RAPGEF6: variants seen among roughly 807,000 people sequenced by gnomAD.
RAPGEF6 encodes Rap guanine nucleotide exchange factor 6.
In RAPGEF6, 56 loss-of-function variants were observed where a neutral mutation model predicts 171.4. The ratio of observed to expected loss-of-function variants is 0.33; its 90% confidence interval spans 0.26 to 0.41. The LOEUF (loss-of-function observed/expected upper bound fraction) is 0.41. Ranked by LOEUF, RAPGEF6 falls within the 10% of genes least tolerant of loss-of-function variation. The pLI, the probability that RAPGEF6 is intolerant of heterozygous loss-of-function variation, is 1.00. For missense variants in RAPGEF6, 1,674 were observed against 1,921.4 expected (o/e 0.87, Z 2.41); for synonymous variants, 692 against 650.1 (o/e 1.06, Z -0.98).
chr5:131,555,018 A>C (rs1581017254), intron 5 of RAPGEF6, among the ~76,000 whole-genome samples: 1 of 152,244 alleles, frequency 6.6e-6, no homozygotes, highest in Non-Finnish European at 1.5e-5. Context: ...CAGCAATCAC[A>C]ATGAATACAA....
At chr5:131,459,663 T>C (rs982418548) in intron 19 of RAPGEF6, among the ~76,000 whole-genome samples, 5 of 152,222 alleles carry the variant, frequency 3.3e-5, no homozygotes, top group Admixed American at 1.3e-4. Context: ...GAGTACTTCA[T>C]AGTTGTTTAA....
intron 1 of RAPGEF6, among the ~76,000 whole-genome samples, chr5:131,611,517 CA>C: frequency 6.6e-6 from 1 of 152,156 alleles, no homozygotes; most frequent in East Asian, 1.9e-4. Context: ...ACTAAAAATA[CA>C]AAAATTAGCT....
intron 8 of RAPGEF6, among the ~76,000 whole-genome samples, chr5:131,510,102 C>A (rs1330828836): frequency 1.3e-5 from 2 of 152,178 alleles, no homozygotes; most frequent in Non-Finnish European, 2.9e-5. Flanking sequence ...TGGATGGCTG[C>A]AGCCCTGTGT....
In RAPGEF6 at chr5:131,430,886, T is replaced by G; in HGVS notation, c.4438A>C (p.Thr1480Pro). 6.2e-7 allele frequency: 1 copy of G among 1,606,448 alleles called. No individual in the cohort carries two copies. Among genetic ancestry groups the G allele is most frequent in the Non-Finnish European group, 8.5e-7 (1 of 1,177,504 alleles). ...ATCAAGCCCTTTTCTGTACTTGAAG[T>G]GACAGTTTTATAAACTGGGTCAGTG... ...DATDPVYKTV[T>P]SSTEKGLIVY... The change falls in exon 26 of 28, where the codon ACT becomes CCT. Residue 1480 changes from threonine to proline, a missense_variant. By Grantham distance (38) the Thr-to-Pro change is conservative. Transcript: ENST00000509018.
At chr5:131,587,529 T>A (rs1383317308) in intron 4 of RAPGEF6, among the ~76,000 whole-genome samples, 3 of 152,192 alleles carry the variant, frequency 2.0e-5, no homozygotes, top group Non-Finnish European at 4.4e-5. Context: ...ACATGTAGAT[T>A]TATGTTATCT....
chr5:131,496,802 T>C (rs539146415), intron 12 of RAPGEF6, among the ~76,000 whole-genome samples: 1 of 152,366 alleles, frequency 6.6e-6, no homozygotes, highest in South Asian at 2.1e-4. Context: ...ATAGTGCTGC[T>C]ACGAATATTT....
chr5:131,545,012 A>C (rs905730886), intron 6 of RAPGEF6, among the ~76,000 whole-genome samples: 1 of 152,172 alleles, frequency 6.6e-6, no homozygotes, highest in Non-Finnish European at 1.5e-5. Context: ...TGAGTAGTAC[A>C]TTACCTTTAA....
chr5:131,455,521 G>T (rs1753426187), intron 20 of RAPGEF6, among the ~76,000 whole-genome samples: 2 of 152,188 alleles, frequency 1.3e-5, no homozygotes, highest in Non-Finnish European at 2.9e-5. Flanking sequence ...GCCTTCCAAA[G>T]TTCTGGGATT....
chr5:131,619,314 C>T (rs776969846), intron 1 of RAPGEF6, among the ~76,000 whole-genome samples: 25 of 151,956 alleles, frequency 1.6e-4, no homozygotes, highest in Non-Finnish European at 3.1e-4. Flanking sequence ...GGGCCTGTTG[C>T]GGCGGGGCTG....
intron 4 of RAPGEF6, among the ~76,000 whole-genome samples, chr5:131,570,149 T>G (rs1246688098): frequency 2.0e-5 from 3 of 151,576 alleles, no homozygotes; most frequent in Non-Finnish European, 4.4e-5. Context: ...TTCTTACAAT[T>G]TGATAAGACA....
At chr5:131,604,818 A>G in intron 1 of RAPGEF6, 125 bp from the exon 2 acceptor site, 1 of 1,189,936 alleles carries the variant, frequency 8.4e-7, no homozygotes, top group Non-Finnish European at 1.1e-6. Context: ...TGGAAAAATC[A>G]TAAAACCTCT....
At chr5:131,540,846 T>G (rs956062957) in intron 6 of RAPGEF6, among the ~76,000 whole-genome samples, 3 of 152,200 alleles carry the variant, frequency 2.0e-5, no homozygotes, top group African/African-American at 7.2e-5. Context: ...ACCATTTAAC[T>G]CTACATATGT....
intron 24 of RAPGEF6, among the ~76,000 whole-genome samples, chr5:131,438,882 C>G (rs1001293780): frequency 7.2e-5 from 11 of 152,076 alleles, no homozygotes; most frequent in African/African-American, 2.7e-4. Flanking sequence ...TATTTGTTTT[C>G]CTAATTTTTG....
At chr5:131,573,618 G>A (rs891779662) in intron 4 of RAPGEF6, among the ~76,000 whole-genome samples, 2 of 151,998 alleles carry the variant, frequency 1.3e-5, no homozygotes, top group Non-Finnish European at 2.9e-5. Flanking sequence ...GCAGTTCCCC[G>A]AGAGGATTCC....
At chr5:131,631,331 T>C (rs963620698) in intron 1 of RAPGEF6, among the ~76,000 whole-genome samples, 1 of 152,178 alleles carries the variant, frequency 6.6e-6, no homozygotes, top group Admixed American at 6.5e-5. Flanking sequence ...TCCTGCAGCT[T>C]TTCCCATCTC....
At chr5:131,481,653 T>G (rs984202329) in intron 15 of RAPGEF6, among the ~76,000 whole-genome samples, 21 of 152,220 alleles carry the variant, frequency 1.4e-4, no homozygotes, top group African/African-American at 5.1e-4. Flanking sequence ...ATTTTTGCCT[T>G]GTGAGGATGG....
chr5:131,439,304 T>C (rs1752228321), intron 24 of RAPGEF6, among the ~76,000 whole-genome samples: 1 of 152,166 alleles, frequency 6.6e-6, no homozygotes, highest in Non-Finnish European at 1.5e-5. Context: ...ACACCAAGAA[T>C]TTGCACCAAA....
chr5:131,500,762 T>C (rs1484348051), intron 11 of RAPGEF6, among the ~76,000 whole-genome samples: 2 of 152,158 alleles, frequency 1.3e-5, no homozygotes, highest in African/African-American at 2.4e-5. Flanking sequence ...ATGCTGAAAC[T>C]ATCGCCTTGT....
At chr5:131,439,461 G>GC in intron 24 of RAPGEF6, 120 bp downstream of exon 24, 1 of 1,428,192 alleles carries the variant, frequency 7.0e-7, no homozygotes, top group Non-Finnish European at 9.2e-7. Context: ...AGTTCAAAAA[G>GC]CATTAGGAGT....
Sources: allele counts gnomAD v4.1 joint callset (sites outside exome capture counted in the v4.1 genomes callset), GRCh38; gene constraint gnomAD v4.1.1; transcripts MANE v1.5; gene names NCBI Gene and HGNC (gene_info 2026-07-23, HGNC 2026-07-21).